ASRGL1: variants seen among roughly 807,000 people sequenced by gnomAD.
ASRGL1 encodes isoaspartyl peptidase/L-asparaginase.
ASRGL1 carries 16 observed loss-of-function variants against 22.4 expected under a neutral mutation model. The observed-to-expected ratio is 0.71, with a 90% CI of 0.48 to 1.08. The LOEUF (loss-of-function observed/expected upper bound fraction) is 1.08, where lower values mean the gene tolerates loss of function less well. Ranked by LOEUF, ASRGL1 falls within the 50% of genes least tolerant of loss-of-function variation. The pLI, the probability that ASRGL1 is intolerant of heterozygous loss-of-function variation, is 0.00. For synonymous variants in ASRGL1, 165 were observed against 159.3 expected (o/e 1.04, Z -0.27); for missense variants, 412 against 410.1 (o/e 1.00, Z -0.04).
chr11:62,394,179 TA>T (rs917799209), downstream of ASRGL1, among the ~76,000 whole-genome samples: 38 of 137,228 alleles, frequency 2.8e-4, no homozygotes, highest in Admixed American at 1.2e-3. Context: ...ATATATCATA[TA>T]AATATATATA....
At chr11:62,385,174 C>T (rs1947172319) in intron 4 of ASRGL1, among the ~76,000 whole-genome samples, 1 of 142,616 alleles carries the variant, frequency 7.0e-6, no homozygotes. Context: ...AACACTGTTA[C>T]TTTAATTTGC....
intron 2 of ASRGL1, among the ~76,000 whole-genome samples, chr11:62,355,850 T>C (rs557890180): frequency 1.1e-3 from 162 of 151,588 alleles, no homozygotes; most frequent in African/African-American, 3.4e-3. Flanking sequence ...CTTCGAGCAT[T>C]TGTTTAACAA....
At chr11:62,352,450 G>A (rs185836472) in intron 2 of ASRGL1, among the ~76,000 whole-genome samples, 3 of 152,216 alleles carry the variant, frequency 2.0e-5, no homozygotes, top group African/African-American at 4.8e-5. Context: ...GCCGGGTATG[G>A]TGGCGCACCT....
chr11:62,371,034 G>A (rs1426048058), intron 4 of ASRGL1: 2 of 472,196 alleles, frequency 4.2e-6, no homozygotes, highest in African/African-American at 2.2e-5. Flanking sequence ...TGGAGCCCTC[G>A]TCTGGGCCAG....
chr11:62,394,245 ATTTG>A (rs1947402966), downstream of ASRGL1, among the ~76,000 whole-genome samples: 2 of 140,926 alleles, frequency 1.4e-5, no homozygotes, highest in South Asian at 4.3e-4. Flanking sequence ...ATTATATATA[ATTTG>A]TTATATATTA....
chr11:62,400,656 C>T, the ASRGL1 span, among the ~76,000 whole-genome samples: 3 of 152,202 alleles, frequency 2.0e-5, no homozygotes, highest in Non-Finnish European at 4.4e-5. Flanking sequence ...GTAGCCAGGG[C>T]AGAAATCATC....
At chr11:62,371,068 C>T in intron 4 of ASRGL1, 2 of 537,662 alleles carry the variant, frequency 3.7e-6, no homozygotes, top group South Asian at 3.6e-5. Flanking sequence ...GCCCTCCGAT[C>T]CGTCTTTTAG....
At chr11:62,380,180 G>A (rs923996530) in intron 4 of ASRGL1, among the ~76,000 whole-genome samples, 2 of 151,948 alleles carry the variant, frequency 1.3e-5, no homozygotes, top group African/African-American at 4.8e-5. Flanking sequence ...AGGCTTTTAC[G>A]TACTCTGAGA....
intron 2 of ASRGL1, among the ~76,000 whole-genome samples, chr11:62,344,750 T>C (rs1945970359): frequency 1.3e-5 from 2 of 152,250 alleles, no homozygotes; most frequent in South Asian, 4.1e-4. Context: ...TTATATTCTT[T>C]TAGTTATTTT....
intron 2 of ASRGL1, among the ~76,000 whole-genome samples, chr11:62,351,879 G>C (rs1298795703): frequency 1.3e-5 from 2 of 152,060 alleles, no homozygotes; most frequent in Non-Finnish European, 2.9e-5. Context: ...TCCCTGTGTT[G>C]CCCATGGTCG....
chr11:62,356,685 AC>A (rs1289992938), intron 3 of ASRGL1, among the ~76,000 whole-genome samples: 2 of 152,240 alleles, frequency 1.3e-5, no homozygotes, highest in African/African-American at 4.8e-5. Context: ...TTTTCTTCAC[AC>A]CACATACAAA....
rs915242661 is a variant in ASRGL1 at position 62,392,141 on chromosome 11, T to C, written c.784T>C (p.Leu262=). 9.3e-6 allele frequency: 15 copies of C among 1,614,020 alleles called. No homozygotes were observed. Among genetic ancestry groups the C allele is most frequent in the Non-Finnish European group, 1.3e-5 (15 of 1,180,044 alleles). ...TTATATGAAGTCAAGGGTTAAAGGT[T>C]TAGGTGGCCTCATCGTGGTTAGCAA... ...LGYMKSRVKG[L]GGLIVVSKTG... is the part of the protein sequence containing the mutation. Residue 262 remains leucine, a synonymous_variant, in exon 7 of 7, where the codon TTA becomes CTA. Transcript: ENST00000415229.
chr11:62,355,366 C>T (rs1393658283), intron 2 of ASRGL1, among the ~76,000 whole-genome samples: 1 of 152,118 alleles, frequency 6.6e-6, no homozygotes, highest in African/African-American at 2.4e-5. Flanking sequence ...GCTGTGACTA[C>T]AGGTGCGGGC....
chr11:62,368,587 G>T (rs72923227), intron 4 of ASRGL1, among the ~76,000 whole-genome samples: 1 of 152,152 alleles, frequency 6.6e-6, no homozygotes, highest in Non-Finnish European at 1.5e-5. Context: ...AAGTATAGAA[G>T]AAAAGTGGGC....
intron 4 of ASRGL1, among the ~76,000 whole-genome samples, chr11:62,370,841 T>C (rs1327545306): frequency 6.6e-6 from 1 of 152,164 alleles, no homozygotes; most frequent in East Asian, 1.9e-4. Context: ...CCTTTAGGCC[T>C]AAATTTTAAT....
chr11:62,393,912 C>A (rs1947395861), downstream of ASRGL1, among the ~76,000 whole-genome samples: 1 of 151,272 alleles, frequency 6.6e-6, no homozygotes, highest in South Asian at 2.1e-4. Context: ...ACTGTGTCCT[C>A]ACATGGTCTT....
downstream of ASRGL1, among the ~76,000 whole-genome samples, chr11:62,395,721 C>T (rs1443552657): frequency 6.8e-6 from 1 of 147,914 alleles, no homozygotes; most frequent in African/African-American, 2.5e-5. Flanking sequence ...TTCATCTTTG[C>T]ACAAAACCAT....
intron 4 of ASRGL1, among the ~76,000 whole-genome samples, chr11:62,377,700 G>C (rs1946964527): frequency 6.6e-6 from 1 of 152,138 alleles, no homozygotes; most frequent in Non-Finnish European, 1.5e-5. Flanking sequence ...AATTGATAAA[G>C]GCTTGTCTAA....
intron 4 of ASRGL1, among the ~76,000 whole-genome samples, chr11:62,385,443 A>G (rs189863191): frequency 9.5e-4 from 144 of 152,350 alleles, no homozygotes; most frequent in Non-Finnish European, 9.8e-4. Context: ...AGTAGCAGGA[A>G]CTACAGGCAC....
Sources: allele counts gnomAD v4.1 joint callset (sites outside exome capture counted in the v4.1 genomes callset), GRCh38; gene constraint gnomAD v4.1.1; transcripts MANE v1.5; gene names NCBI Gene and HGNC (gene_info 2026-07-23, HGNC 2026-07-21).